The following XRCC4 variants were observed in gnomAD, a reference collection of about 807,000 sequenced individuals.
XRCC4 encodes X-ray repair cross complementing 4, also known as DNA repair protein XRCC4.
A neutral mutation model predicts 39.1 loss-of-function variants in XRCC4; 28 were observed. The observed-to-expected ratio is 0.72, with a 90% CI of 0.53 to 0.98. XRCC4 has a LOEUF of 0.98. XRCC4 is among the 50% of genes least tolerant of loss of function. The pLI, the probability that XRCC4 is intolerant of heterozygous loss-of-function variation, is 0.00. For synonymous variants in XRCC4, 123 were observed against 126.4 expected, an observed-to-expected ratio of 0.97 and a Z score of 0.18; for missense variants, 350 against 376.4, an observed-to-expected ratio of 0.93 and a Z score of 0.58.
intron 3 of XRCC4, among the ~76,000 whole-genome samples, chr5:83,194,586 CT>C (rs775559407): frequency 1.3e-5 from 2 of 151,988 alleles, no homozygotes; most frequent in Non-Finnish European, 2.9e-5. Context: ...AAAGCAATAC[CT>C]TTTGGAAATA....
At chr5:83,316,581 C>G (rs1160140744) in intron 7 of XRCC4, among the ~76,000 whole-genome samples, 1 of 150,214 alleles carries the variant, frequency 6.7e-6, no homozygotes, top group African/African-American at 2.5e-5. Flanking sequence ...GATTTTAAAC[C>G]AACAAAGATC....
intron 2 of XRCC4, among the ~76,000 whole-genome samples, chr5:83,108,657 C>A (rs2112390084): frequency 6.6e-6 from 1 of 151,636 alleles, no homozygotes; most frequent in Non-Finnish European, 1.5e-5. Context: ...AATAGATGTT[C>A]TCTGTTTTCT....
Position 83,104,911 on chromosome 5 carries a change from T to C in XRCC4, c.-9T>C. The C allele has an allele frequency of 6.2e-7, 1 of 1,611,440 alleles. No homozygotes were observed. Among genetic ancestry groups the C allele is most frequent in the Non-Finnish European group, 8.5e-7 (1 of 1,177,930 alleles). On this transcript the variant is annotated splice_region_variant and 5_prime_UTR_variant, in exon 2 of 8. Transcript: ENST00000396027. ...ATTAATTGTATTCTCCCATTACAGG[T>C]ATTAAGAAATGGAGAGAAAAATAAG...
downstream of XRCC4, among the ~76,000 whole-genome samples, chr5:83,357,133 C>T (rs1229949379): frequency 6.6e-6 from 1 of 152,146 alleles, no homozygotes; most frequent in East Asian, 1.9e-4. Context: ...AAATACAGAA[C>T]TGGGCCATGT....
chr5:83,100,713 T>C (rs1373619468), intron 1 of XRCC4, among the ~76,000 whole-genome samples: 1 of 152,090 alleles, frequency 6.6e-6, no homozygotes, highest in African/African-American at 2.4e-5. Flanking sequence ...CACCCTCCCA[T>C]GCACCCCACC....
intron 1 of XRCC4, among the ~76,000 whole-genome samples, chr5:83,079,456 A>G (rs1300550513): frequency 1.3e-5 from 2 of 152,168 alleles, no homozygotes; most frequent in African/African-American, 4.8e-5. Context: ...GTGAATCCTC[A>G]TTTAAAACCA....
chr5:83,190,785 A>G (rs1275283358), intron 3 of XRCC4, among the ~76,000 whole-genome samples: 1 of 152,200 alleles, frequency 6.6e-6, no homozygotes, highest in Non-Finnish European at 1.5e-5. Context: ...AAAACTGAGT[A>G]TATAACTATA....
chr5:83,077,690 C>G (rs1165061677), intron 1 of XRCC4, 75 bp downstream of exon 1: 1 of 229,320 alleles, frequency 4.4e-6, no homozygotes, highest in Non-Finnish European at 8.9e-6. Context: ...TTTTTGCTTT[C>G]TTTTTAAAAA....
At chr5:83,320,491 G>T (rs1033122239) in intron 7 of XRCC4, among the ~76,000 whole-genome samples, 1 of 151,856 alleles carries the variant, frequency 6.6e-6, no homozygotes, top group Non-Finnish European at 1.5e-5. Context: ...AGTTCATAAA[G>T]CAGAGGTGGG....
chr5:83,262,994 C>T (rs1319969563), intron 7 of XRCC4, among the ~76,000 whole-genome samples: 2 of 126,250 alleles, frequency 1.6e-5, no homozygotes, highest in East Asian at 2.8e-4. Context: ...CCCTCCCCCC[C>T]TCCCCCCACC....
chr5:83,281,660 C>T (rs1228427194), intron 7 of XRCC4, among the ~76,000 whole-genome samples: 1 of 152,146 alleles, frequency 6.6e-6, no homozygotes, highest in African/African-American at 2.4e-5. Context: ...ACAGTTTCCA[C>T]CCACAAAGTT....
chr5:83,323,999 C>G (rs1756163297), intron 7 of XRCC4, among the ~76,000 whole-genome samples: 1 of 152,004 alleles, frequency 6.6e-6, no homozygotes, highest in South Asian at 2.1e-4. Flanking sequence ...TTTAGAGTTG[C>G]ATAATTTGCC....
chr5:83,226,975 G>GTATAT (rs1301943414), intron 6 of XRCC4, among the ~76,000 whole-genome samples: 2 of 151,978 alleles, frequency 1.3e-5, no homozygotes, highest in Non-Finnish European at 2.9e-5. Flanking sequence ...TTCATTACAT[G>GTATAT]TATATTAGAC....
chr5:83,217,261 T>A (rs1751896361), intron 6 of XRCC4, among the ~76,000 whole-genome samples: 1 of 148,582 alleles, frequency 6.7e-6, no homozygotes, highest in South Asian at 2.1e-4. Flanking sequence ...GGAAGCTGAG[T>A]CAGGAGAATT....
intron 1 of XRCC4, among the ~76,000 whole-genome samples, chr5:83,082,401 G>A (rs7736289): frequency 0.5 from 75,252 of 151,998 alleles, 19,536 homozygotes; most frequent in African/African-American, 0.65. Flanking sequence ...TGGTTTCCTG[G>A]TTTTGATAAA....
chr5:83,357,608 C>G (rs548408656), downstream of XRCC4, among the ~76,000 whole-genome samples: 1 of 152,184 alleles, frequency 6.6e-6, no homozygotes, highest in African/African-American at 2.4e-5. Flanking sequence ...ACAAGGTATT[C>G]CAGAAGCAAT....
chr5:83,300,003 G>C (rs1259028304), intron 7 of XRCC4, among the ~76,000 whole-genome samples: 1 of 152,178 alleles, frequency 6.6e-6, no homozygotes, highest in Non-Finnish European at 1.5e-5. Flanking sequence ...TTGAGGCTTA[G>C]TATGAAGATG....
intron 7 of XRCC4, among the ~76,000 whole-genome samples, chr5:83,314,737 G>A (rs759413897): frequency 1.3e-5 from 2 of 151,798 alleles, no homozygotes; most frequent in Admixed American, 6.6e-5. Flanking sequence ...AATTATTTTG[G>A]GGTGCCACAA....
chr5:83,162,415 G>T (rs949927696), intron 3 of XRCC4, among the ~76,000 whole-genome samples: 4 of 152,052 alleles, frequency 2.6e-5, no homozygotes, highest in African/African-American at 9.7e-5. Flanking sequence ...ATAAGTAAAA[G>T]AAATGCATTT....
Sources: gnomAD v4.1 joint callset for allele counts (sites outside exome capture counted in the v4.1 genomes callset) on GRCh38, gnomAD v4.1.1 for gene constraint, MANE v1.5 for transcripts, NCBI Gene and HGNC (gene_info 2026-07-23, HGNC 2026-07-21) for gene names.